RXFP1: variants seen among roughly 807,000 people sequenced by gnomAD.
RXFP1 encodes the protein relaxin family peptide receptor 1.
A neutral mutation model predicts 89.8 loss-of-function variants in RXFP1; 73 were observed. The ratio of observed to expected loss-of-function variants is 0.81; its 90% CI spans 0.67 to 0.99. The LOEUF is 0.99. Ranked by LOEUF, RXFP1 falls within the 50% of genes least tolerant of loss-of-function variation. The probability of loss-of-function intolerance (pLI) is 0.00; values close to 1 mark genes in which losing one functional copy is unlikely to be tolerated. For missense variants in RXFP1, 793 were observed against 895.5 expected, an observed-to-expected ratio of 0.89 and a Z score of 1.46; for synonymous variants, 277 against 305.5, an observed-to-expected ratio of 0.91 and a Z score of 0.97.
chr4:158,540,823 T>G (rs994480663), intron 1 of RXFP1, among the ~76,000 whole-genome samples: 1 of 152,018 alleles, frequency 6.6e-6, no homozygotes, highest in Non-Finnish European at 1.5e-5. Context: ...GAGCACACAC[T>G]ACGGATGGCT....
chr4:158,525,233 G>GT (rs200408983), intron 1 of RXFP1, among the ~76,000 whole-genome samples: 29 of 149,030 alleles, frequency 1.9e-4, no homozygotes, highest in Middle Eastern at 3.5e-3. Context: ...GGGGGGTTGG[G>GT]TTTTTTTTTT....
At chr4:158,542,109 A>ATATATTTTTTTTT in intron 1 of RXFP1, among the ~76,000 whole-genome samples, 1 of 35,242 alleles carries the variant, frequency 2.8e-5, no homozygotes, top group African/African-American at 9.3e-5. Context: ...ATATATATAT[A>ATATATTTTTTTTT]TTTTTTTTTT....
chr4:158,617,187 T>TG lies in RXFP1; in HGVS notation c.738dup (p.Pro247AlafsTer9). On this transcript the variant is annotated frameshift_variant, in exon 9 of 18. Transcript: ENST00000307765. LOFTEE classifies it high-confidence loss of function. ...CCTGATAAACCTCTCTGTCAACACA[T>TG]GCCAAGACTACATTGGCTGTAAGCG... 5.6e-6 allele frequency: 9 copies of TG among 1,610,672 alleles called. No homozygotes were observed. The highest frequency in any genetic ancestry group is 7.6e-6 in the Non-Finnish European group (9 of 1,178,048).
At chr4:158,596,265 AT>A (rs35626162) in intron 3 of RXFP1, among the ~76,000 whole-genome samples, 186 of 140,042 alleles carry the variant, frequency 1.3e-3, no homozygotes, top group African/African-American at 3.4e-3. Flanking sequence ...TTATTTCTTA[AT>A]TTTTTTTTTT....
At chr4:158,568,029 C>G (rs1048370177) in intron 1 of RXFP1, among the ~76,000 whole-genome samples, 2 of 152,182 alleles carry the variant, frequency 1.3e-5, no homozygotes, top group African/African-American at 4.8e-5. Flanking sequence ...CTGAAGCCAT[C>G]AAGACCACGA....
chr4:158,582,745 C>A (rs997922992), intron 2 of RXFP1, among the ~76,000 whole-genome samples: 1 of 152,130 alleles, frequency 6.6e-6, no homozygotes. Context: ...CAAAGGACAC[C>A]AGGCTACCCC....
At chr4:158,615,895 T>A (rs958236240) in intron 8 of RXFP1, among the ~76,000 whole-genome samples, 2 of 151,986 alleles carry the variant, frequency 1.3e-5, no homozygotes, top group Admixed American at 6.6e-5. Context: ...GAGGCTGCAG[T>A]GCACCATGGT....
Position 158,626,746 on chromosome 4 carries a change from G to A in RXFP1, c.756-74G>A, listed in dbSNP as rs1256911107. 8 of 881,314 alleles carry A rather than the reference G, an allele frequency of 9.1e-6. No homozygotes were observed. In the African/African-American group the frequency reaches 1.4e-4, roughly 15 times the overall value. The allele number at this position is 881,314 out of a possible 1,614,324, so 54.6% of individuals were successfully genotyped here. ...GTAAAGAAAAGATATTTTATTAGAA[G>A]GCAAATAATTTTAACCAATTTATTT... On this transcript the variant is annotated intron_variant, in intron 9 of 17. Coordinates refer to ENST00000307765, the MANE Select transcript of RXFP1 (RefSeq NM_021634.4).
chr4:158,651,936 T>C lies in RXFP1; in HGVS notation c.2155T>C (p.Trp719Arg), dbSNP rs750713154. The C allele has an allele frequency of 4.2e-5, 67 of 1,614,094 alleles. No individual in the cohort carries two copies. Among genetic ancestry groups the C allele is most frequent in the Non-Finnish European group, 5.4e-5 (64 of 1,180,036 alleles). The change falls in exon 18 of 18, where the codon TGG (tryptophan) becomes CGG (arginine). Residue 719 changes from tryptophan to arginine, a missense_variant. Coordinates refer to ENST00000307765, the MANE Select transcript of RXFP1 (RefSeq NM_021634.4). The stretch of plus-strand genomic sequence containing the variant: ...GAAAACATATGCTCCATCATTCATC[T>C]GGGTGGAAATGTGGCCACTGCAGGA... ...GQKTYAPSFI[W>R]VEMWPLQEMP...
intron 8 of RXFP1, 43 bp from the exon 9 acceptor site, chr4:158,617,088 G>A: frequency 7.3e-7 from 1 of 1,371,588 alleles, no homozygotes; most frequent in African/African-American, 1.4e-5. Flanking sequence ...AAGATGAGAA[G>A]AGAACCAGAA....
chr4:158,609,019 G>T (rs1763060622), intron 6 of RXFP1, among the ~76,000 whole-genome samples: 1 of 152,108 alleles, frequency 6.6e-6, no homozygotes, highest in South Asian at 2.1e-4. Flanking sequence ...ACCACATTTT[G>T]TTTAACTGTT....
intron 2 of RXFP1, among the ~76,000 whole-genome samples, chr4:158,579,393 T>G (rs1359878678): frequency 6.6e-6 from 1 of 152,158 alleles, no homozygotes; most frequent in Non-Finnish European, 1.5e-5. Flanking sequence ...CTCAGCCTCC[T>G]GAGTACAGGA....
In RXFP1 at chr4:158,653,288, G is replaced by A. The variant is rs1773031459; in HGVS notation, c.*1233G>A. 6.6e-6 allele frequency: 1 copy of A among 152,118 alleles called. No individual in the cohort carries two copies. The highest frequency in any genetic ancestry group is 2.4e-5 in the African/African-American group (1 of 41,396). The allele number at this position is 152,118 out of a possible 1,614,324, so 9.4% of individuals were successfully genotyped here. Reference sequence around the variant, plus strand: ...AAATGTTTGAAACACAAAAATACTGGAATCAAACCATAATGCACTTATTGA... The same window carrying A: ...AAATGTTTGAAACACAAAAATACTGAAATCAAACCATAATGCACTTATTGA... On this transcript the variant is annotated 3_prime_UTR_variant, in exon 18 of 18. Transcript: ENST00000307765.
At chr4:158,565,929 A>G (rs1038169671) in intron 1 of RXFP1, among the ~76,000 whole-genome samples, 1 of 152,222 alleles carries the variant, frequency 6.6e-6, no homozygotes, top group Non-Finnish European at 1.5e-5. Flanking sequence ...TTTTATGCCA[A>G]AGATGCATAA....
At position 158,524,001 on chromosome 4, in the gene RXFP1, G is replaced by C. The variant is rs140657409; in HGVS notation, c.49+1976G>C. 1.3e-3 allele frequency among the ~76,000 whole-genome samples: 201 copies of C among 152,316 alleles called. 1 individual carries two copies. Among genetic ancestry groups the C allele is most frequent in the Middle Eastern group, 3.4e-3 (1 of 294 alleles). On this transcript the variant is annotated intron_variant, in intron 1 of 17. Coordinates refer to ENST00000307765, the MANE Select transcript of RXFP1 (RefSeq NM_021634.4). ...CTAAGACGCTTAGCTGCACTACCATGTACCGGTTCTGTGGTTTTCAGCAAA... is the reference window on the plus strand; with the variant it reads ...CTAAGACGCTTAGCTGCACTACCATCTACCGGTTCTGTGGTTTTCAGCAAA...
chr4:158,588,355 G>A (rs931227112), intron 2 of RXFP1, among the ~76,000 whole-genome samples: 3 of 152,066 alleles, frequency 2.0e-5, no homozygotes, highest in Non-Finnish European at 4.4e-5. Flanking sequence ...GGAAAAAACC[G>A]GAAACTACTC....
At chr4:158,568,205 A>G (rs1403759564) in intron 1 of RXFP1, among the ~76,000 whole-genome samples, 2 of 152,242 alleles carry the variant, frequency 1.3e-5, no homozygotes, top group Admixed American at 6.5e-5. Context: ...CGCTGCTTCT[A>G]AGAACTGTTA....
At chr4:158,589,101 A>G (rs1467416094) in intron 2 of RXFP1, among the ~76,000 whole-genome samples, 1 of 152,222 alleles carries the variant, frequency 6.6e-6, no homozygotes, top group Non-Finnish European at 1.5e-5. Flanking sequence ...ACAGAGCAGC[A>G]GGAGAGAGAA....
At chr4:158,540,541 TTATGACCTG>T (rs1043698831) in intron 1 of RXFP1, among the ~76,000 whole-genome samples, 11 of 151,594 alleles carry the variant, frequency 7.3e-5, no homozygotes, top group African/African-American at 2.7e-4. Context: ...AGCAAGGTCT[TTATGACCTG>T]TATCTTGTAC....
Sources: allele counts gnomAD v4.1 joint callset (sites outside exome capture counted in the v4.1 genomes callset), GRCh38; gene constraint gnomAD v4.1.1; transcripts MANE v1.5; gene names NCBI Gene and HGNC (gene_info 2026-07-23, HGNC 2026-07-21).